KIAA2013: variants seen among roughly 807,000 people sequenced by gnomAD.
KIAA2013 encodes the protein KIAA2013.
In KIAA2013, 20 loss-of-function variants were observed where a neutral mutation model predicts 39.9. The observed-to-expected ratio is 0.50, with a 90% CI of 0.35 to 0.73. The LOEUF (loss-of-function observed/expected upper bound fraction) is 0.73. Among genes scored for constraint, KIAA2013 ranks in the 30% least tolerant of loss-of-function variants. The pLI is 0.01. For missense variants in KIAA2013, 587 were observed against 856.1 expected (o/e 0.69, Z 3.92); for synonymous variants, 336 against 416.6 (o/e 0.81, Z 2.35).
rs775450441 is a variant in KIAA2013 at position 11,923,276 on chromosome 1, C to T, written c.1247G>A (p.Arg416Gln). 15 of 1,613,192 alleles carry T rather than the reference C, an allele frequency of 9.3e-6. No homozygotes were observed. The highest frequency in any genetic ancestry group is 8.0e-5 in the African/African-American group (6 of 74,910). The change falls in exon 2 of 3, where the codon CGG becomes CAG. Residue 416 changes from arginine (R) to glutamine (Q), a missense_variant. Coordinates refer to ENST00000376572, the MANE Select transcript of KIAA2013 (RefSeq NM_138346.3). The surrounding 1 kb of genome is among the most constrained non-coding windows in gnomAD (Gnocchi z 4.6). ...CAGGATCTGCTGGACGGAGGACAGC[C>T]GCCCCGGCCACAGGTTCTCGGCGTG... The part of the protein sequence containing the change: ...TMHAENLWPG[R>Q]LSSVQQILQL...
In KIAA2013 at chr1:11,925,263, C is replaced by G. The variant is rs1381174646; in HGVS notation, c.975G>C (p.Met325Ile). The G allele has an allele frequency of 1.9e-6, 3 of 1,610,588 alleles. No homozygotes were observed. The highest frequency in any genetic ancestry group is 2.2e-5 in the East Asian group (1 of 44,816). Residue 325 changes from methionine to isoleucine, a missense_variant, in exon 1 of 3, where the codon ATG becomes ATC. Coordinates refer to ENST00000376572, the MANE Select transcript of KIAA2013 (RefSeq NM_138346.3). The surrounding 1 kb of genome is among the most constrained non-coding windows in gnomAD (Gnocchi z 5.2). ...ARKEMLELLD[M>I]PAAELLQDHQ... Reference sequence around the variant, plus strand: ...GGTCTTGAAGCAGCTCCGCCGCTGGCATGTCCAAGAGCTCCAGCATTTCCT... The same window carrying G: ...GGTCTTGAAGCAGCTCCGCCGCTGGGATGTCCAAGAGCTCCAGCATTTCCT...
At chr1:11,921,724 AT>A (rs1328522203) in intron 2 of KIAA2013, among the ~76,000 whole-genome samples, 1 of 151,508 alleles carries the variant, frequency 6.6e-6, no homozygotes, top group African/African-American at 2.4e-5. Flanking sequence ...TAATTTTTGT[AT>A]TTTTAGTACA....
intron 2 of KIAA2013, 36 bp downstream of exon 2, chr1:11,922,600 A>G (rs1348265529): frequency 6.2e-7 from 1 of 1,607,618 alleles, no homozygotes; most frequent in Middle Eastern, 1.7e-4. Context: ...GAGCAAGGCC[A>G]AGGCCTCGGG....
chr1:11,922,029 G>A (rs1317237053), intron 2 of KIAA2013: 1 of 151,656 alleles, frequency 6.6e-6, no homozygotes, highest in African/African-American at 2.4e-5. Context: ...TAAATTTTTT[G>A]TAGAGACAAG....
intron 2 of KIAA2013, 135 bp from the exon 3 acceptor site, chr1:11,920,467 C>T (rs1398156334): frequency 1.1e-6 from 1 of 877,268 alleles, no homozygotes; most frequent in Non-Finnish European, 1.9e-6. Flanking sequence ...TTACCACGGA[C>T]TCAGTGGCCT....
intron 2 of KIAA2013, among the ~76,000 whole-genome samples, chr1:11,920,620 A>G (rs1645468390): frequency 6.6e-6 from 1 of 152,248 alleles, no homozygotes; most frequent in African/African-American, 2.4e-5. Flanking sequence ...GGTGCACTCA[A>G]GAGCGAGGGC....
rs1645500689 is a variant in KIAA2013, at chr1:11,925,521, G to A, written c.717C>T (p.Val239=). 4 of 1,602,634 alleles carry A rather than the reference G, an allele frequency of 2.5e-6. No homozygotes were observed. The highest frequency in any genetic ancestry group is 3.4e-6 in the Non-Finnish European group (4 of 1,175,258). The change falls in exon 1 of 3, where the codon GTC becomes GTT. Residue 239 remains valine (V), a synonymous_variant. Coordinates refer to ENST00000376572, the MANE Select transcript of KIAA2013 (RefSeq NM_138346.3). The surrounding 1 kb of genome is among the most constrained non-coding windows in gnomAD (Gnocchi z 5.2). ...AGTAGAGGAGGAACTGATGGTCTCC[G>A]ACCTTCTCCAGGGTACTGGTGAAGG... is the stretch of plus-strand genomic sequence containing the variant. ...PKAFTSTLEK[V]GDHQFLLYSG...
chr1:11,920,307 T>C lies in KIAA2013; in HGVS notation c.*8A>G, dbSNP rs754576339. The C allele has an allele frequency of 1.9e-6, 3 of 1,614,084 alleles. No individual in the cohort carries two copies. The Admixed American group carries it at 5.0e-5, about 27-fold the overall frequency. On this transcript the variant is annotated 3_prime_UTR_variant, in exon 3 of 3. Coordinates refer to ENST00000376572, the MANE Select transcript of KIAA2013 (RefSeq NM_138346.3). The stretch of plus-strand genomic sequence containing the variant: ...AAATGGTGGCTGAAAGCAGGACTGT[T>C]AGTTCACTCAGACACTGGGATCTTC...
intron 2 of KIAA2013, among the ~76,000 whole-genome samples, chr1:11,920,670 C>T (rs1332919752): frequency 6.6e-6 from 1 of 152,202 alleles, no homozygotes; most frequent in East Asian, 1.9e-4. Flanking sequence ...AGCCGCCTGC[C>T]AAACAGACGG....
chr1:11,922,268 C>T (rs1188938447), intron 2 of KIAA2013: 4 of 1,029,464 alleles, frequency 3.9e-6, no homozygotes, highest in Middle Eastern at 3.3e-4. Context: ...TAGTTCACTG[C>T]AGCCTCAAAC....
chr1:11,924,345 C>T (rs1202593887), intron 1 of KIAA2013, among the ~76,000 whole-genome samples: 1 of 63,926 alleles, frequency 1.6e-5, no homozygotes, highest in African/African-American at 7.1e-5. Flanking sequence ...CCTGCCTCAG[C>T]CTCCCAAAGT....
chr1:11,923,508 G>T lies in KIAA2013; in HGVS notation c.1034-19C>A. ...TCCACTCCTGCAACACCATGAAAGC[G>T]GCATGTTAAGGGGGAAGGACAGCTG... On this transcript the variant is annotated intron_variant, in intron 1 of 2. Transcript: ENST00000376572. This position sits in a 1 kb window ranked among gnomAD's most constrained non-coding sequence, Gnocchi z 4.6. The T allele has an allele frequency of 6.2e-7, 1 of 1,600,502 alleles. No individual in the cohort carries two copies. Among genetic ancestry groups the T allele is most frequent in the South Asian group, 1.1e-5 (1 of 90,976 alleles).
rs746363895 is a variant in KIAA2013 at position 11,923,267 on chromosome 1, G to A, written c.1256C>T (p.Ser419Phe). Residue 419 changes from serine (S) to phenylalanine (F), a missense_variant, in exon 2 of 3, where the codon TCC becomes TTC. Ser to Phe is a radical substitution (Grantham distance 155). Coordinates refer to ENST00000376572, the MANE Select transcript of KIAA2013 (RefSeq NM_138346.3). The surrounding 1 kb of genome is among the most constrained non-coding windows in gnomAD (Gnocchi z 4.6). ...AGAGAGCTGCAGGATCTGCTGGACGGAGGACAGCCGCCCCGGCCACAGGTT... is the reference window on the plus strand; with the variant it reads ...AGAGAGCTGCAGGATCTGCTGGACGAAGGACAGCCGCCCCGGCCACAGGTT... ...AENLWPGRLS[S>F]VQQILQLSDL... The A allele has an allele frequency of 6.2e-7, 1 of 1,613,488 alleles. No homozygotes were observed. Among genetic ancestry groups the A allele is most frequent in the Non-Finnish European group, 8.5e-7 (1 of 1,179,662 alleles).
Position 11,923,667 on chromosome 1 carries a change from T to C in KIAA2013, c.1034-178A>G, listed in dbSNP as rs1399700823. ...GCCTGTCTTGTTTACACGACCAACT[T>C]GAGCCTGTGGGCCTGAAATCTAGAA... On this transcript the variant is annotated intron_variant, in intron 1 of 2. Transcript: ENST00000376572. This position sits in a 1 kb window ranked among gnomAD's most constrained non-coding sequence, Gnocchi z 4.6. Among the ~76,000 whole-genome samples the C allele has an allele frequency of 1.3e-5, 2 of 152,138 alleles. No homozygotes were observed. Among genetic ancestry groups the C allele is most frequent in the African/African-American group, 4.8e-5 (2 of 41,408 alleles).
intron 2 of KIAA2013, chr1:11,922,352 G>A: frequency 7.0e-7 from 1 of 1,425,252 alleles, no homozygotes; most frequent in Non-Finnish European, 9.1e-7. Context: ...ACCACACCCA[G>A]CTTGCAGTTA....
intron 2 of KIAA2013, 123 bp from the exon 3 acceptor site, chr1:11,920,455 A>T: frequency 1.0e-6 from 1 of 982,314 alleles, no homozygotes; most frequent in Non-Finnish European, 1.6e-6. Context: ...AGCCTTGCAG[A>T]ATTACCACGG....
At chr1:11,922,604 C>A (rs551639678) in intron 2 of KIAA2013, 32 bp downstream of exon 2, 1 of 1,608,648 alleles carries the variant, frequency 6.2e-7, no homozygotes, top group Admixed American at 1.7e-5. Context: ...AAGGCCAAGG[C>A]CTCGGGTTTC....
In KIAA2013 at chr1:11,919,895, G is replaced by A. The variant is rs891171302; in HGVS notation, c.*420C>T. 4.2e-6 allele frequency: 1 copy of A among 239,388 alleles called. No homozygotes were observed. Among genetic ancestry groups the A allele is most frequent in the Non-Finnish European group, 8.3e-6 (1 of 121,096 alleles). The allele number at this position is 239,388 out of a possible 1,614,324, so 14.8% of individuals were successfully genotyped here. On this transcript the variant is annotated 3_prime_UTR_variant, in exon 3 of 3. Coordinates refer to ENST00000376572, the MANE Select transcript of KIAA2013 (RefSeq NM_138346.3). ...CTCACCATCTACAGGGGATGCAAAA[G>A]CCATCTAGCAAAATCTCAACAAAAA...
In KIAA2013 at chr1:11,923,017, C is replaced by T. The variant is rs1224439409; in HGVS notation, c.1506G>A (p.Glu502=). The T allele has an allele frequency of 5.0e-6, 8 of 1,611,184 alleles. No individual in the cohort carries two copies. In the South Asian group the frequency reaches 5.5e-5, roughly 11 times the overall value. ...CGGACACGTGTAGGTAGGGCTTGCC[C>T]TCGGCATCCGCCAGCACGGCCAGGT... ...HINLAVLADA[E]GKPYLHVSVE... The change falls in exon 2 of 3, where the codon GAG becomes GAA. Residue 502 remains glutamate (E), a synonymous_variant. Coordinates refer to ENST00000376572, the MANE Select transcript of KIAA2013 (RefSeq NM_138346.3). The surrounding 1 kb of genome is among the most constrained non-coding windows in gnomAD (Gnocchi z 4.6).
Sources: allele counts gnomAD v4.1 joint callset (sites outside exome capture counted in the v4.1 genomes callset), GRCh38; gene constraint gnomAD v4.1.1; non-coding constraint Gnocchi (gnomAD v3.1); transcripts MANE v1.5; gene names NCBI Gene and HGNC (gene_info 2026-07-23, HGNC 2026-07-21).